The following ROBO1 variants were observed in gnomAD, a reference collection of about 807,000 sequenced individuals.
The protein encoded by ROBO1 is roundabout homolog 1.
Under a neutral mutation model 195.9 loss-of-function variants are expected in ROBO1, and 149 were observed. The observed-to-expected ratio is 0.76, with a 90% CI of 0.67 to 0.87. The LOEUF (loss-of-function observed/expected upper bound fraction) is 0.87. ROBO1 is among the 40% of genes least tolerant of loss of function. The probability of loss-of-function intolerance (pLI) is 0.00; values close to 1 mark genes in which losing one functional copy is unlikely to be tolerated. For missense variants in ROBO1, 1,933 were observed against 2,068.3 expected (o/e 0.93, Z 1.27); for synonymous variants, 816 against 733.2 (o/e 1.11, Z -1.82).
chr3:78,866,881 T>C (rs2035215909), intron 4 of ROBO1, among the ~76,000 whole-genome samples: 1 of 152,196 alleles, frequency 6.6e-6, no homozygotes, highest in Non-Finnish European at 1.5e-5. Flanking sequence ...AGATCTCTAC[T>C]GGTGTCACAC....
intron 3 of ROBO1, among the ~76,000 whole-genome samples, chr3:79,081,787 A>T (rs996164737): frequency 6.6e-6 from 1 of 152,184 alleles, no homozygotes; most frequent in African/African-American, 2.4e-5. Context: ...AGCTTTTGTG[A>T]CAGTTTGGAA....
intron 4 of ROBO1, among the ~76,000 whole-genome samples, chr3:78,925,611 A>G (rs981857955): frequency 2.6e-5 from 4 of 152,202 alleles, no homozygotes; most frequent in Non-Finnish European, 2.9e-5. Flanking sequence ...CTTTGTATAC[A>G]ATCTTTTATT....
At chr3:79,115,068 T>A (rs2079966935) in intron 3 of ROBO1, among the ~76,000 whole-genome samples, 1 of 152,192 alleles carries the variant, frequency 6.6e-6, no homozygotes, top group Non-Finnish European at 1.5e-5. Context: ...ATCTTGTGAC[T>A]TGGGTCTAGG....
intron 3 of ROBO1, among the ~76,000 whole-genome samples, chr3:78,987,404 A>G (rs547716296): frequency 4.5e-4 from 69 of 152,278 alleles, no homozygotes; most frequent in African/African-American, 1.5e-3. Flanking sequence ...TCAAGAAATT[A>G]TATCAGCAAT....
At position 79,490,580 on chromosome 3, in the gene ROBO1, C is replaced by T. The variant is rs148392839; in HGVS notation, c.88+99244G>A. On this transcript the variant is annotated intron_variant, in intron 2 of 30. Transcript: ENST00000464233. The stretch of plus-strand genomic sequence containing the variant: ...GAATGAGCTAACTGGGTGAAGAGTT[C>T]GGCTTCTAGTTAAAAACCTAAGTGT... Among the ~76,000 whole-genome samples the T allele has an allele frequency of 2.3e-3, 346 of 152,248 alleles. 2 individuals are homozygous for T. Among genetic ancestry groups the T allele is most frequent in the African/African-American group, 7.7e-3 (319 of 41,552 alleles).
chr3:79,528,120 ACTTATAT>A (rs1204889401), intron 2 of ROBO1, among the ~76,000 whole-genome samples: 1 of 152,192 alleles, frequency 6.6e-6, no homozygotes, highest in Admixed American at 6.5e-5. Flanking sequence ...ACGTCCAATT[ACTTATAT>A]CTTAGAGCAG....
chr3:79,415,554 G>T (rs1425052607), intron 2 of ROBO1, among the ~76,000 whole-genome samples: 1 of 152,104 alleles, frequency 6.6e-6, no homozygotes. Flanking sequence ...TAGGATGAAA[G>T]AATAGCGAGA....
intron 4 of ROBO1, among the ~76,000 whole-genome samples, chr3:78,830,116 T>C (rs1304244600): frequency 1.3e-5 from 2 of 152,220 alleles, no homozygotes; most frequent in African/African-American, 4.8e-5. Flanking sequence ...CCGCCCATGA[T>C]GGCTAGAGAC....
intron 2 of ROBO1, among the ~76,000 whole-genome samples, chr3:79,547,062 C>G (rs137998887): frequency 6.6e-5 from 10 of 151,158 alleles, no homozygotes; most frequent in Admixed American, 5.3e-4. Context: ...GCGGGTGCCT[C>G]TAGTCCCAGC....
rs189607840 is a variant in ROBO1 at position 78,995,166 on chromosome 3, G to A, written c.173-56239C>T. Among the ~76,000 whole-genome samples the A allele has an allele frequency of 5.9e-5, 9 of 152,266 alleles. No individual in the cohort carries two copies. In the East Asian group the frequency reaches 1.7e-3, roughly 29 times the overall value. On this transcript the variant is annotated intron_variant, in intron 3 of 30. Transcript: ENST00000464233. ...TAATCCAAATCAAAGTTGGGTAACTGATGATATTCTTTTCTTTCCGTAACT... is the reference window on the plus strand; with the variant it reads ...TAATCCAAATCAAAGTTGGGTAACTAATGATATTCTTTTCTTTCCGTAACT...
At chr3:78,613,529 C>T (rs1703936491) in intron 28 of ROBO1, among the ~76,000 whole-genome samples, 1 of 152,128 alleles carries the variant, frequency 6.6e-6, no homozygotes, top group Non-Finnish European at 1.5e-5. Context: ...TGGGCAGAAG[C>T]CAGGAGGCCC....
chr3:79,687,894 C>A (rs1195014230), intron 1 of ROBO1, among the ~76,000 whole-genome samples: 1 of 152,118 alleles, frequency 6.6e-6, no homozygotes, highest in Non-Finnish European at 1.5e-5. Context: ...GATTATAAAT[C>A]ATGCTGCTAT....
intron 27 of ROBO1, 83 bp downstream of exon 27, chr3:78,617,552 G>GT (rs2107391470): frequency 1.5e-6 from 2 of 1,378,232 alleles, no homozygotes; most frequent in East Asian, 4.8e-5. Context: ...CAAATAGGAC[G>GT]TAAGATCATA....
chr3:79,480,451 G>A (rs1474379797), intron 2 of ROBO1, among the ~76,000 whole-genome samples: 1 of 152,098 alleles, frequency 6.6e-6, no homozygotes, highest in South Asian at 2.1e-4. Flanking sequence ...CACACTTCAT[G>A]TGCATTTATT....
chr3:79,372,456 G>T (rs1449774446), intron 2 of ROBO1, among the ~76,000 whole-genome samples: 1 of 151,884 alleles, frequency 6.6e-6, no homozygotes, highest in Non-Finnish European at 1.5e-5. Context: ...TGATCTGCCC[G>T]CCTTGGCCTC....
chr3:78,798,521 T>C (rs1411212385), intron 4 of ROBO1, among the ~76,000 whole-genome samples: 1 of 152,218 alleles, frequency 6.6e-6, no homozygotes, highest in Non-Finnish European at 1.5e-5. Flanking sequence ...AGAACAAATA[T>C]ATGTGAACTC....
intron 4 of ROBO1, among the ~76,000 whole-genome samples, chr3:78,809,586 A>G (rs911494822): frequency 1.4e-5 from 2 of 147,592 alleles, no homozygotes; most frequent in African/African-American, 4.9e-5. Flanking sequence ...ACTTGGAACC[A>G]ACACAAATGC....
intron 3 of ROBO1, among the ~76,000 whole-genome samples, chr3:79,042,757 C>T (rs774607296): frequency 2.6e-5 from 4 of 151,942 alleles, no homozygotes; most frequent in Non-Finnish European, 5.9e-5. Flanking sequence ...CTAATTTAGA[C>T]GATAGATGAT....
chr3:79,714,594 C>A (rs1388431702), intron 1 of ROBO1, among the ~76,000 whole-genome samples: 1 of 151,498 alleles, frequency 6.6e-6, no homozygotes, highest in Non-Finnish European at 1.5e-5. Flanking sequence ...GACTTGGAAC[C>A]AACCCAAATG....
Sources: allele counts gnomAD v4.1 joint callset (sites outside exome capture counted in the v4.1 genomes callset), GRCh38; gene constraint gnomAD v4.1.1; transcripts MANE v1.5; gene names NCBI Gene and HGNC (gene_info 2026-07-23, HGNC 2026-07-21).